LPAR6: variants seen among roughly 807,000 people sequenced by gnomAD.
LPAR6 encodes lysophosphatidic acid receptor 6, also known as G-protein coupled purinergic receptor P2Y5.
In LPAR6, 17 loss-of-function variants were observed where a neutral mutation model predicts 22.0. The observed-to-expected ratio is 0.77, with a 90% CI of 0.53 to 1.16. The LOEUF is 1.16. LPAR6 is among the 50% of genes most tolerant of loss of function. The pLI is 0.00. For missense variants in LPAR6, 384 were observed against 406.9 expected (o/e 0.94, Z 0.48); for synonymous variants, 136 against 139.8 (o/e 0.97, Z 0.19).
chr13:48,408,290 T>C (rs551255735), downstream of LPAR6, among the ~76,000 whole-genome samples: 2 of 152,064 alleles, frequency 1.3e-5, no homozygotes, highest in East Asian at 3.9e-4. Context: ...TTTTTATGCT[T>C]TTTAAAATAA....
intron 1 of LPAR6, among the ~76,000 whole-genome samples, chr13:48,395,180 A>C (rs542300665): frequency 2.6e-5 from 4 of 152,220 alleles, no homozygotes; most frequent in Non-Finnish European, 5.9e-5. Context: ...GAGAACTAAC[A>C]AACAGAAATG....
At chr13:48,413,352 T>C (rs527894271), upstream of LPAR6, among the ~76,000 whole-genome samples, 1 of 152,208 alleles carries the variant, frequency 6.6e-6, no homozygotes, top group Non-Finnish European at 1.5e-5. Flanking sequence ...CTCTCAGAGT[T>C]GTTTTGATTT....
upstream of LPAR6, among the ~76,000 whole-genome samples, chr13:48,430,973 T>C (rs984795148): frequency 6.6e-6 from 1 of 152,154 alleles, no homozygotes; most frequent in Non-Finnish European, 1.5e-5. Context: ...CTAAGTATTA[T>C]ATAAAATCTA....
chr13:48,397,906 G>A (rs993572573), intron 1 of LPAR6, among the ~76,000 whole-genome samples: 32 of 152,128 alleles, frequency 2.1e-4, no homozygotes, highest in Admixed American at 1.6e-3. Context: ...TTTGTATGGT[G>A]GGTCATTAAC....
intron 1 of LPAR6, among the ~76,000 whole-genome samples, chr13:48,398,469 T>C (rs115345200): frequency 0.013 from 1,920 of 152,198 alleles, 45 homozygotes; most frequent in African/African-American, 0.044. Context: ...GCTTAAATAC[T>C]GAGCACTTTC....
At chr13:48,390,209 A>G (rs1050014935) in intron 1 of LPAR6, among the ~76,000 whole-genome samples, 4 of 152,216 alleles carry the variant, frequency 2.6e-5, no homozygotes, top group African/African-American at 7.2e-5. Context: ...AGGATATTTC[A>G]TTAAATAATT....
upstream of LPAR6, among the ~76,000 whole-genome samples, chr13:48,416,959 C>T (rs953458269): frequency 6.6e-5 from 10 of 152,196 alleles, no homozygotes; most frequent in African/African-American, 2.4e-4. Flanking sequence ...TGGGACAGAG[C>T]ACCTGGGGGA....
At position 48,411,874 on chromosome 13, in the gene LPAR6, TC is replaced by T. The variant is rs750748080; in HGVS notation, c.549del (p.Ile184LeufsTer2). The T allele has an allele frequency of 6.2e-7, 1 of 1,613,852 alleles. No homozygotes were observed. Among genetic ancestry groups the T allele is most frequent in the South Asian group, 1.1e-5 (1 of 91,072 alleles). On this transcript the variant is annotated frameshift_variant, in exon 1 of 1. Coordinates refer to ENST00000620633, the MANE Select transcript of LPAR6 (RefSeq NM_001162498.3). LOFTEE classifies it high-confidence loss of function. The part of the protein sequence containing the change: ...PEATWKTYLS[R>X]IVIFIEIVGF... The stretch of plus-strand genomic sequence containing the variant: ...CCCACTATTTCGATGAAAATTACAA[TC>T]CTTGAGAGATATGTTTTCCATGTGG...
At chr13:48,431,651 G>T (rs138736411), upstream of LPAR6, among the ~76,000 whole-genome samples, 79 of 152,246 alleles carry the variant, frequency 5.2e-4, 1 homozygote, top group Admixed American at 2.4e-3. Context: ...TATACTAGAA[G>T]ATACGAGCAC....
chr13:48,422,391 G>A (rs1439705190), intron 2 of LPAR6, among the ~76,000 whole-genome samples: 5 of 152,136 alleles, frequency 3.3e-5, no homozygotes, highest in African/African-American at 1.2e-4. Context: ...AGGAGGGATA[G>A]CATTAAGAGA....
intron 1 of LPAR6, among the ~76,000 whole-genome samples, chr13:48,391,876 T>C (rs984386786): frequency 1.3e-5 from 2 of 151,958 alleles, no homozygotes; most frequent in Non-Finnish European, 2.9e-5. Flanking sequence ...CTCGGCCTCC[T>C]CCCAAAGGGC....
intron 2 of LPAR6, among the ~76,000 whole-genome samples, chr13:48,420,222 C>T (rs536435677): frequency 6.6e-6 from 1 of 152,152 alleles, no homozygotes; most frequent in Non-Finnish European, 1.5e-5. Flanking sequence ...GGATGCAAGG[C>T]TGGTTCAACA....
upstream of LPAR6, among the ~76,000 whole-genome samples, chr13:48,428,862 G>GATT (rs1949102644): frequency 6.6e-6 from 1 of 152,160 alleles, no homozygotes; most frequent in Admixed American, 6.5e-5. Context: ...TTCCAGCATA[G>GATT]ATTATTATCA....
intron 1 of LPAR6, among the ~76,000 whole-genome samples, chr13:48,440,805 T>C (rs1305483795): frequency 6.6e-6 from 1 of 152,104 alleles, no homozygotes; most frequent in Non-Finnish European, 1.5e-5. Flanking sequence ...AAATAGAAAA[T>C]GAAAGGAGCT....
intron 1 of LPAR6, among the ~76,000 whole-genome samples, chr13:48,434,918 T>G (rs1312831493): frequency 6.6e-6 from 1 of 152,220 alleles, no homozygotes; most frequent in East Asian, 1.9e-4. Flanking sequence ...TATTGCTGAC[T>G]AGTATTTTGT....
chr13:48,397,903 G>A (rs1289907812), intron 1 of LPAR6, among the ~76,000 whole-genome samples: 3 of 152,144 alleles, frequency 2.0e-5, no homozygotes, highest in Non-Finnish European at 2.9e-5. Context: ...ATGTTTGTAT[G>A]GTGGGTCATT....
intron 2 of LPAR6, among the ~76,000 whole-genome samples, chr13:48,419,851 C>T (rs962722828): frequency 5.3e-5 from 8 of 152,110 alleles, no homozygotes; most frequent in African/African-American, 1.9e-4. Context: ...GAAGTCGAAT[C>T]CCTGAATAGA....
At chr13:48,409,570 ATTTTTTTTTTTTTT>A (rs5803435), downstream of LPAR6, among the ~76,000 whole-genome samples, 133 of 59,694 alleles carry the variant, frequency 2.2e-3, 1 homozygote, top group South Asian at 0.051. Flanking sequence ...GAACTGCTTG[ATTTTTTTTTTTTTT>A]TTTTTTTTTT....
chr13:48,430,594 G>A (rs1233987176), upstream of LPAR6, among the ~76,000 whole-genome samples: 1 of 152,068 alleles, frequency 6.6e-6, no homozygotes, highest in African/African-American at 2.4e-5. Flanking sequence ...ACAAAAATTA[G>A]CTGGGCATGG....
Sources: allele counts gnomAD v4.1 joint callset (sites outside exome capture counted in the v4.1 genomes callset), GRCh38; gene constraint gnomAD v4.1.1; transcripts MANE v1.5; gene names NCBI Gene and HGNC (gene_info 2026-07-23, HGNC 2026-07-21).